DIP2B: variants seen among roughly 807,000 people sequenced by gnomAD.
DIP2B encodes the protein disco-interacting protein 2 homolog B.
A neutral mutation model predicts 198.0 loss-of-function variants in DIP2B; 76 were observed. The ratio of observed to expected loss-of-function variants is 0.38; its 90% CI spans 0.32 to 0.46. DIP2B has a LOEUF of 0.46. DIP2B is among the 20% of genes least tolerant of loss of function. The probability of loss-of-function intolerance (pLI) is 0.99; values close to 1 mark genes in which losing one functional copy is unlikely to be tolerated. For synonymous variants in DIP2B, 701 were observed against 739.1 expected, an observed-to-expected ratio of 0.95 and a Z score of 0.84; for missense variants, 1,559 against 1,978.4, an observed-to-expected ratio of 0.79 and a Z score of 4.02.
At chr12:50,564,694 T>C (rs1307507118) in intron 1 of DIP2B, among the ~76,000 whole-genome samples, 1 of 152,186 alleles carries the variant, frequency 6.6e-6, no homozygotes, top group East Asian at 1.9e-4. Context: ...TACAGAGTGT[T>C]TTTGTAGAGT....
intron 22 of DIP2B, among the ~76,000 whole-genome samples, chr12:50,710,195 G>C (rs1022059562): frequency 6.6e-6 from 1 of 152,120 alleles, no homozygotes; most frequent in East Asian, 1.9e-4. Flanking sequence ...CCCAGAGCCC[G>C]GTAGCTATGC....
At chr12:50,577,901 C>G (rs1404715900) in intron 1 of DIP2B, among the ~76,000 whole-genome samples, 1 of 152,114 alleles carries the variant, frequency 6.6e-6, no homozygotes, top group Non-Finnish European at 1.5e-5. Context: ...TTCTGTGATA[C>G]TGCATCAAAA....
intron 3 of DIP2B, among the ~76,000 whole-genome samples, chr12:50,651,236 A>T (rs1039463407): frequency 6.6e-6 from 1 of 152,140 alleles, no homozygotes; most frequent in African/African-American, 2.4e-5. Flanking sequence ...TTAACGCCCT[A>T]CCCAATATAT....
At chr12:50,722,673 G>A (rs766342984) in intron 26 of DIP2B, among the ~76,000 whole-genome samples, 1 of 152,140 alleles carries the variant, frequency 6.6e-6, no homozygotes, top group Non-Finnish European at 1.5e-5. Context: ...CCTGTCAGTC[G>A]GTGAGAGGCC....
chr12:50,640,991 A>G, intron 3 of DIP2B, 139 bp downstream of exon 3: 1 of 1,102,848 alleles, frequency 9.1e-7, no homozygotes, highest in Non-Finnish European at 1.3e-6. Context: ...TTCACCAATC[A>G]TTTATTTTGT....
intron 2 of DIP2B, among the ~76,000 whole-genome samples, chr12:50,637,550 T>C (rs1260672807): frequency 6.6e-6 from 1 of 152,202 alleles, no homozygotes; most frequent in Admixed American, 6.5e-5. Context: ...GTTAAATCCT[T>C]ATTATGTGGG....
intron 1 of DIP2B, among the ~76,000 whole-genome samples, chr12:50,529,774 G>A (rs975397681): frequency 2.0e-5 from 3 of 151,974 alleles, no homozygotes; most frequent in African/African-American, 7.3e-5. Context: ...CAGGAGACTC[G>A]CTTGACCCCG....
chr12:50,701,935 AATT>A (rs1287879796), intron 19 of DIP2B, among the ~76,000 whole-genome samples: 1 of 152,064 alleles, frequency 6.6e-6, no homozygotes, highest in African/African-American at 2.4e-5. Context: ...GTGTTGTTAT[AATT>A]ATTATTTTAT....
intron 4 of DIP2B, among the ~76,000 whole-genome samples, chr12:50,666,441 A>C (rs1217928965): frequency 6.6e-6 from 1 of 152,166 alleles, no homozygotes; most frequent in Non-Finnish European, 1.5e-5. Context: ...CTAGAAAGAT[A>C]GGGGAAAGAA....
rs1348740142 is a variant in DIP2B at position 50,671,293 on chromosome 12, A to G, written c.535A>G (p.Ile179Val). ...TGCTGAGTCCTGGATCAACCGTTCA[A>G]TTCAGGGATCGTCCACTTCTTCATC... is the stretch of plus-strand genomic sequence containing the variant. ...QNAESWINRS[I>V]QGSSTSSSAS... Residue 179 changes from isoleucine (I) to valine (V), a missense_variant, in exon 5 of 38, where the codon ATT (isoleucine) becomes GTT (valine). Physicochemically the swap from Ile to Val is conservative, Grantham distance 29 (BLOSUM62 3). Coordinates refer to ENST00000301180, the MANE Select transcript of DIP2B (RefSeq NM_173602.3). The G allele has an allele frequency of 6.2e-7, 1 of 1,614,060 alleles. No homozygotes were observed. The highest frequency in any genetic ancestry group is 1.3e-5 in the African/African-American group (1 of 74,924).
chr12:50,533,632 A>G (rs1958238044), intron 1 of DIP2B, among the ~76,000 whole-genome samples: 1 of 149,146 alleles, frequency 6.7e-6, no homozygotes, highest in Non-Finnish European at 1.5e-5. Flanking sequence ...TTTTTGAGAC[A>G]GGATCTTGCT....
At chr12:50,675,539 A>G in intron 7 of DIP2B, 91 bp downstream of exon 7, 1 of 1,251,014 alleles carries the variant, frequency 8.0e-7, no homozygotes, top group Non-Finnish European at 1.1e-6. Flanking sequence ...TTAAAGAATG[A>G]ACAAGACACA....
intron 1 of DIP2B, among the ~76,000 whole-genome samples, chr12:50,559,053 C>T (rs1384282088): frequency 6.6e-6 from 1 of 152,170 alleles, no homozygotes; most frequent in East Asian, 1.9e-4. Context: ...GGAGAGCATA[C>T]TGTCAAGCTC....
intron 3 of DIP2B, 117 bp downstream of exon 3, chr12:50,640,969 T>G (rs1369287203): frequency 8.1e-7 from 1 of 1,231,404 alleles, no homozygotes; most frequent in Non-Finnish European, 1.1e-6. Context: ...CCAACAGTTT[T>G]ATATTAACTC....
chr12:50,684,375 A>G (rs1939098339), intron 10 of DIP2B, among the ~76,000 whole-genome samples: 1 of 152,238 alleles, frequency 6.6e-6, no homozygotes, highest in South Asian at 2.1e-4. Context: ...AATGAAGCAT[A>G]TGTAACAGAT....
At chr12:50,523,520 C>T (rs1157029118) in intron 1 of DIP2B, among the ~76,000 whole-genome samples, 1 of 152,250 alleles carries the variant, frequency 6.6e-6, no homozygotes, top group South Asian at 2.1e-4. Context: ...CCAATTAGAA[C>T]TCCAATGGAA....
chr12:50,672,371 G>C (rs141995124), intron 5 of DIP2B, among the ~76,000 whole-genome samples: 2 of 152,200 alleles, frequency 1.3e-5, no homozygotes, highest in African/African-American at 4.8e-5. Context: ...GCCATTTCCT[G>C]AGCCTCCTGA....
chr12:50,559,029 G>A (rs1958495012), intron 1 of DIP2B, among the ~76,000 whole-genome samples: 2 of 152,148 alleles, frequency 1.3e-5, no homozygotes, highest in South Asian at 4.1e-4. Context: ...AACACCAGGT[G>A]CAGGTGAGGG....
At chr12:50,576,074 C>T (rs1565830250) in intron 1 of DIP2B, among the ~76,000 whole-genome samples, 1 of 141,164 alleles carries the variant, frequency 7.1e-6, no homozygotes, top group African/African-American at 2.6e-5. Flanking sequence ...TTTTTTTTCA[C>T]TTTTTTTTTT....
Sources: allele counts gnomAD v4.1 joint callset (sites outside exome capture counted in the v4.1 genomes callset), GRCh38; gene constraint gnomAD v4.1.1; transcripts MANE v1.5; gene names NCBI Gene and HGNC (gene_info 2026-07-23, HGNC 2026-07-21).